The following FGD6 variants were observed in gnomAD, a reference collection of about 807,000 sequenced individuals.
The protein encoded by FGD6 is FYVE, RhoGEF and PH domain containing 6.
Under a neutral mutation model 149.4 loss-of-function variants are expected in FGD6, and 90 were observed. The observed-to-expected ratio is 0.60, with a 90% CI of 0.51 to 0.72. FGD6 has a LOEUF of 0.72. FGD6 is among the 30% of genes least tolerant of loss of function. The pLI is 0.00. For synonymous variants in FGD6, 527 were observed against 584.0 expected, an observed-to-expected ratio of 0.90 and a Z score of 1.41; for missense variants, 1,437 against 1,684.8, an observed-to-expected ratio of 0.85 and a Z score of 2.57.
chr12:95,113,559 G>A (rs1218803321), intron 9 of FGD6, 92 bp downstream of exon 9: 4 of 1,015,244 alleles, frequency 3.9e-6, no homozygotes, highest in Non-Finnish European at 4.5e-6. Context: ...AAGAGAGTTT[G>A]TAATGGATTT....
chr12:95,183,061 C>G (rs1461580113), intron 2 of FGD6, among the ~76,000 whole-genome samples: 1 of 152,252 alleles, frequency 6.6e-6, no homozygotes, highest in Non-Finnish European at 1.5e-5. Flanking sequence ...CAGCACAAAA[C>G]CATTGCGGTG....
rs1877846580 is a variant in FGD6, at chr12:95,085,831, G to A, written c.4056C>T (p.His1352=). The change falls in exon 19 of 21, where the codon CAC becomes CAT. Residue 1352 remains histidine, a synonymous_variant. Coordinates refer to ENST00000343958, the MANE Select transcript of FGD6 (RefSeq NM_018351.4). The part of the protein sequence containing the change: ...RSKGNKKPWK[H]FWFVIKNKVL... ...CTTTATTTTTTATGACAAACCAAAA[G>A]TGTTTCCAGGGTTTTTTATTGCCCT... is the stretch of plus-strand genomic sequence containing the variant. 1.9e-6 allele frequency: 3 copies of A among 1,613,866 alleles called. No individual in the cohort carries two copies. The highest frequency in any genetic ancestry group is 2.5e-6 in the Non-Finnish European group (3 of 1,179,934).
Position 95,101,048 on chromosome 12 carries a change from T to TTA in FGD6, c.3497+3957_3497+3958dup. 1.1e-5 allele frequency: 3 copies of TTA among 282,072 alleles called. No homozygotes were observed. In the South Asian group the frequency reaches 1.4e-4, roughly 13 times the overall value. 17.5% of individuals were successfully genotyped at this position (282,072 alleles called of 1,614,324 possible). On this transcript the variant is annotated intron_variant, in intron 14 of 20. Coordinates refer to ENST00000343958, the MANE Select transcript of FGD6 (RefSeq NM_018351.4). ...TGATTGATAAGAAGAATGGAAATAG[T>TTA]TATGTTGCTGGGCATGGTGGCTCAC...
chr12:95,085,724 C>T lies in FGD6; in HGVS notation c.4107+56G>A, dbSNP rs1424806980. 2.6e-6 allele frequency: 4 copies of T among 1,542,858 alleles called. No individual in the cohort carries two copies. The African/African-American group carries it at 5.6e-5, about 22-fold the overall frequency. Reference sequence around the variant, plus strand: ...ATGGATTTTTAAAATATTGTAATTACTTGCAGTTGGCATTACAAAACCCCA... The same window carrying T: ...ATGGATTTTTAAAATATTGTAATTATTTGCAGTTGGCATTACAAAACCCCA... On this transcript the variant is annotated intron_variant, in intron 19 of 20. Coordinates refer to ENST00000343958, the MANE Select transcript of FGD6 (RefSeq NM_018351.4).
At chr12:95,215,265 T>C (rs1409883394) in intron 1 of FGD6, among the ~76,000 whole-genome samples, 1 of 152,240 alleles carries the variant, frequency 6.6e-6, no homozygotes, top group Non-Finnish European at 1.5e-5. Flanking sequence ...TGGATACATA[T>C]AACCTAGATG....
chr12:95,110,672 G>A lies in FGD6; in HGVS notation c.3134-2111C>T, dbSNP rs116542742. Among the ~76,000 whole-genome samples the A allele has an allele frequency of 1.9e-3, 293 of 152,100 alleles. 1 individual carries two copies. Among genetic ancestry groups the A allele is most frequent in the African/African-American group, 6.6e-3 (273 of 41,494 alleles). ...TACTCAGCCATGTATCAGAATTTAC[G>A]GTGCCTGGTACCCTTTTCACAGCAG... On this transcript the variant is annotated intron_variant, in intron 9 of 20. Coordinates refer to ENST00000343958, the MANE Select transcript of FGD6 (RefSeq NM_018351.4).
At chr12:95,165,793 A>G (rs1488468731) in intron 3 of FGD6, among the ~76,000 whole-genome samples, 1 of 150,110 alleles carries the variant, frequency 6.7e-6, no homozygotes, top group African/African-American at 2.4e-5. Flanking sequence ...ATGAACCACC[A>G]TACCTGGCTA....
At chr12:95,109,750 A>T (rs1803566020) in intron 9 of FGD6, among the ~76,000 whole-genome samples, 1 of 152,072 alleles carries the variant, frequency 6.6e-6, no homozygotes, top group Non-Finnish European at 1.5e-5. Context: ...GCAGTCCAGC[A>T]ATTTGGGGCG....
chr12:95,098,153 A>G (rs1878302847), intron 14 of FGD6, among the ~76,000 whole-genome samples: 1 of 152,048 alleles, frequency 6.6e-6, no homozygotes, highest in Non-Finnish European at 1.5e-5. Context: ...CTCACATTCC[A>G]TATGCACACC....
intron 8 of FGD6, among the ~76,000 whole-genome samples, chr12:95,122,199 T>G (rs1158753589): frequency 6.6e-6 from 1 of 152,178 alleles, no homozygotes; most frequent in African/African-American, 2.4e-5. Context: ...TAAGTTAAGT[T>G]TAATGAGAAT....
In FGD6 at chr12:95,093,174, T is replaced by C. The variant is rs547774011; in HGVS notation, c.3601-329A>G. ...AGGTGGAGGTTGCAATGAGCTGAGA[T>C]TGTCCCACTGCACTCCAGCCTGGGC... is the stretch of plus-strand genomic sequence containing the variant. On this transcript the variant is annotated intron_variant, in intron 15 of 20. Coordinates refer to ENST00000343958, the MANE Select transcript of FGD6 (RefSeq NM_018351.4). Among the ~76,000 whole-genome samples the C allele has an allele frequency of 5.9e-5, 9 of 151,834 alleles. No individual in the cohort carries two copies. The South Asian group carries it at 1.5e-3, about 25-fold the overall frequency.
chr12:95,163,340 G>A (rs563851355), intron 3 of FGD6, among the ~76,000 whole-genome samples: 119 of 151,978 alleles, frequency 7.8e-4, no homozygotes, highest in Non-Finnish European at 1.4e-3. Context: ...CGTCCTTTAA[G>A]ACAACACTCC....
At chr12:95,188,251 G>A (rs560885399) in intron 2 of FGD6, among the ~76,000 whole-genome samples, 1 of 152,310 alleles carries the variant, frequency 6.6e-6, no homozygotes, top group South Asian at 2.1e-4. Context: ...GTGATCACTT[G>A]CTCTGAGCTA....
At chr12:95,169,687 T>C (rs1285532633) in intron 3 of FGD6, among the ~76,000 whole-genome samples, 2 of 152,040 alleles carry the variant, frequency 1.3e-5, no homozygotes, top group Non-Finnish European at 2.9e-5. Context: ...CTCCAAGAAG[T>C]ATGGAAAGAA....
At position 95,210,095 on chromosome 12, in the gene FGD6, A is replaced by C; in HGVS notation, c.1189T>G (p.Leu397Val). The C allele has an allele frequency of 6.2e-6, 10 of 1,614,178 alleles. No individual in the cohort carries two copies. Among genetic ancestry groups the C allele is most frequent in the Non-Finnish European group, 8.5e-6 (10 of 1,180,034 alleles). The change falls in exon 2 of 21, where the codon TTA (leucine) becomes GTA (valine). Residue 397 changes from leucine (L) to valine (V), a missense_variant. Leu to Val is a conservative substitution (Grantham distance 32). Transcript: ENST00000343958. ...CACATGGCTTTCTGTGAATTGACTA[A>C]GTCCTGTGCATCACTGTTGGATTCC... ...NMESNSDAQDLVNSQKAMCNE... is the reference protein window; with the variant it reads ...NMESNSDAQDVVNSQKAMCNE...
At chr12:95,081,668 G>GAGATATATATATATATATATATATATAT (rs1877676188) in intron 20 of FGD6, 112 bp from the exon 21 acceptor site, 1 of 342,342 alleles carries the variant, frequency 2.9e-6, no homozygotes, top group African/African-American at 2.2e-5. Flanking sequence ...ACATAGGTAA[G>GAGATATATATATATATATATATATATAT]ATATATATAT....
chr12:95,186,171 ACCTGCTG>A (rs1881423113), intron 2 of FGD6, among the ~76,000 whole-genome samples: 1 of 147,672 alleles, frequency 6.8e-6, no homozygotes, highest in African/African-American at 2.5e-5. Flanking sequence ...GGCAAATCTA[ACCTGCTG>A]CCTGTTTTTG....
intron 2 of FGD6, among the ~76,000 whole-genome samples, chr12:95,182,076 A>C (rs369544539): frequency 1.3e-5 from 2 of 152,214 alleles, no homozygotes; most frequent in South Asian, 2.1e-4. Context: ...TCCCCTTCAC[A>C]TCCTCATTAT....
rs778566253 is a variant in FGD6 at position 95,209,867 on chromosome 12, G to C, written c.1417C>G (p.Leu473Val). The C allele has an allele frequency of 4.3e-6, 7 of 1,612,718 alleles. No individual in the cohort carries two copies. Among genetic ancestry groups the C allele is most frequent in the Non-Finnish European group, 3.4e-6 (4 of 1,179,746 alleles). ...CNEHLQSGRN[L>V]GVSAPQMQKE... ...TGCATTTGAGGGGCAGAAACTCCCA[G>C]GTTTCTCCCAGATTGCAAATGTTCA... is the stretch of plus-strand genomic sequence containing the variant. Residue 473 changes from leucine (L) to valine (V), a missense_variant, in exon 2 of 21, where the codon CTG becomes GTG. By Grantham distance (32) the Leu-to-Val change is conservative. Around this residue, in one of 2 missense-constraint regions of FGD6, gnomAD observed 1,055 missense variants for 1,146.0 expected, o/e 0.92. Coordinates refer to ENST00000343958, the MANE Select transcript of FGD6 (RefSeq NM_018351.4).
Sources: allele counts gnomAD v4.1 joint callset (sites outside exome capture counted in the v4.1 genomes callset), GRCh38; gene constraint gnomAD v4.1.1; regional missense constraint gnomAD v4.1.1; transcripts MANE v1.5; gene names NCBI Gene and HGNC (gene_info 2026-07-23, HGNC 2026-07-21).